The following MYO5B variants were observed in gnomAD, a reference collection of about 807,000 sequenced individuals.
MYO5B encodes the protein unconventional myosin-Vb.
Under a neutral mutation model 229.3 loss-of-function variants are expected in MYO5B, and 143 were observed. That is an observed-to-expected ratio of 0.62 (90% CI 0.54 to 0.72). The LOEUF (loss-of-function observed/expected upper bound fraction) is 0.72. Ranked by LOEUF, MYO5B falls within the 30% of genes least tolerant of loss-of-function variation. The pLI is 0.00. For synonymous variants in MYO5B, 918 were observed against 885.2 expected, an observed-to-expected ratio of 1.04 and a Z score of -0.66; for missense variants, 2,321 against 2,331.0, an observed-to-expected ratio of 1.00 and a Z score of 0.09.
At chr18:49,985,427 G>A (rs1419807137) in intron 7 of MYO5B, among the ~76,000 whole-genome samples, 4 of 152,168 alleles carry the variant, frequency 2.6e-5, no homozygotes. Flanking sequence ...TGGTAAGGAA[G>A]GGCCCAGGTG....
chr18:50,064,123 A>G (rs888217784), intron 1 of MYO5B: 8 of 152,290 alleles, frequency 5.3e-5, no homozygotes, highest in Admixed American at 2.0e-4. Flanking sequence ...CTTGGACAAC[A>G]GACATATCAG....
At chr18:50,031,459 T>C (rs1035359360) in intron 4 of MYO5B, among the ~76,000 whole-genome samples, 1 of 152,214 alleles carries the variant, frequency 6.6e-6, no homozygotes, top group Admixed American at 6.5e-5. Context: ...GAGAATTAGA[T>C]GCATTAATGA....
At chr18:50,118,041 C>G (rs886378582) in intron 1 of MYO5B, among the ~76,000 whole-genome samples, 1 of 152,170 alleles carries the variant, frequency 6.6e-6, no homozygotes, top group Non-Finnish European at 1.5e-5. Flanking sequence ...TTACCACCGG[C>G]CTGATGAAAA....
In MYO5B at chr18:50,171,219, T is replaced by C. The variant is rs1361268301; in HGVS notation, c.27+23548A>G. On this transcript the variant is annotated intron_variant, in intron 1 of 39. Coordinates refer to ENST00000285039, the MANE Select transcript of MYO5B (RefSeq NM_001080467.3). ...ATAAGTTGAGGAGATAAGGCAAATA[T>C]GCAAAAAGTAAAGTAATCATCCAAG... 7.8e-5 allele frequency among the ~76,000 whole-genome samples: 10 copies of C among 128,008 alleles called. 4 individuals carry two copies. In the East Asian group the frequency reaches 9.1e-4, roughly 12 times the overall value. The allele number at this position is 128,008 out of a possible 152,430, so 84.0% of individuals were successfully genotyped here. A position where few individuals can be genotyped will look rare whatever the true frequency, so the allele number is the denominator to read the frequency against.
intron 14 of MYO5B, among the ~76,000 whole-genome samples, chr18:49,949,913 A>G (rs2025414609): frequency 6.6e-6 from 1 of 152,222 alleles, no homozygotes; most frequent in Non-Finnish European, 1.5e-5. Context: ...ATCACTCAGT[A>G]AATGATGAGC....
chr18:49,990,349 A>G (rs1381144296), intron 7 of MYO5B, 90 bp downstream of exon 7: 7 of 1,108,426 alleles, frequency 6.3e-6, no homozygotes, highest in African/African-American at 1.5e-5. Context: ...ACAAGAACCC[A>G]TGACGGAGGG....
chr18:50,180,437 G>A (rs1213757306), intron 1 of MYO5B, among the ~76,000 whole-genome samples: 1 of 152,122 alleles, frequency 6.6e-6, no homozygotes, highest in Admixed American at 6.5e-5. Context: ...AGAAAGCTGA[G>A]GAACCAGGAC....
At chr18:50,124,066 T>C (rs1568116079) in intron 1 of MYO5B, among the ~76,000 whole-genome samples, 1 of 152,204 alleles carries the variant, frequency 6.6e-6, no homozygotes, top group Non-Finnish European at 1.5e-5. Flanking sequence ...GCTTTTGCGC[T>C]TAGTAAATCT....
At chr18:50,074,845 G>A (rs1391178977) in intron 1 of MYO5B, among the ~76,000 whole-genome samples, 1 of 152,082 alleles carries the variant, frequency 6.6e-6, no homozygotes, top group Non-Finnish European at 1.5e-5. Flanking sequence ...TTTTGAGATG[G>A]AGTCTCACTC....
chr18:50,036,865 T>G lies in MYO5B; in HGVS notation c.440A>C (p.Tyr147Ser). The G allele has an allele frequency of 6.2e-7, 1 of 1,614,118 alleles. No individual in the cohort carries two copies. The highest frequency in any genetic ancestry group is 8.5e-7 in the Non-Finnish European group (1 of 1,180,000). The change falls in exon 4 of 40, where the codon TAC (tyrosine) becomes TCC (serine). Residue 147 changes from tyrosine (Y) to serine (S), a missense_variant. Coordinates refer to ENST00000285039, the MANE Select transcript of MYO5B (RefSeq NM_001080467.3). ...ACATTCTCACCTGGCCATCTGCTTG[T>G]AGGCTTCTTCTGCCACAGCAAAGAT... ...PHIFAVAEEA[Y>S]KQMARDEKNQ...
intron 1 of MYO5B, among the ~76,000 whole-genome samples, chr18:50,088,716 T>C (rs1368804031): frequency 3.3e-5 from 5 of 152,348 alleles, no homozygotes; most frequent in African/African-American, 1.2e-4. Flanking sequence ...CACACATGTA[T>C]AATTTATATC....
At chr18:50,113,548 T>C (rs1192715111) in intron 1 of MYO5B, among the ~76,000 whole-genome samples, 1 of 152,248 alleles carries the variant, frequency 6.6e-6, no homozygotes, top group African/African-American at 2.4e-5. Context: ...CTTTTCTTTA[T>C]GCCTGAACAT....
At chr18:50,051,102 T>C (rs1200530402) in intron 2 of MYO5B, among the ~76,000 whole-genome samples, 2 of 152,250 alleles carry the variant, frequency 1.3e-5, no homozygotes, top group Non-Finnish European at 2.9e-5. Context: ...GGCAGCTGGA[T>C]AGAAACTGAA....
At chr18:50,052,750 T>C (rs1376883119) in intron 2 of MYO5B, among the ~76,000 whole-genome samples, 1 of 152,098 alleles carries the variant, frequency 6.6e-6, no homozygotes, top group East Asian at 1.9e-4. Flanking sequence ...ACATATATTT[T>C]ACCACAATAG....
chr18:49,853,753 G>A (rs1372569381), intron 30 of MYO5B, 106 bp from the exon 31 acceptor site: 11 of 1,028,046 alleles, frequency 1.1e-5, no homozygotes, highest in Non-Finnish European at 1.6e-5. Context: ...CACAGCAGCA[G>A]CGGTTGCACA....
intron 1 of MYO5B, among the ~76,000 whole-genome samples, chr18:50,143,393 C>A (rs1468823042): frequency 1.3e-5 from 2 of 152,180 alleles, no homozygotes; most frequent in African/African-American, 4.8e-5. Flanking sequence ...AGGAGGCCCC[C>A]CTCAGTTACT....
intron 1 of MYO5B, among the ~76,000 whole-genome samples, chr18:50,142,947 T>C (rs1471622277): frequency 6.6e-6 from 1 of 152,196 alleles, no homozygotes; most frequent in Non-Finnish European, 1.5e-5. Flanking sequence ...GGAAAGAGTA[T>C]GAATCACAGA....
At chr18:50,168,882 GA>G (rs1439953924) in intron 1 of MYO5B, among the ~76,000 whole-genome samples, 3 of 127,874 alleles carry the variant, frequency 2.3e-5, no homozygotes, top group Non-Finnish European at 3.3e-5. Flanking sequence ...CAGCATCCCA[GA>G]AGCCCCATGC....
chr18:50,174,223 T>C (rs150869453), intron 1 of MYO5B, among the ~76,000 whole-genome samples: 171 of 152,216 alleles, frequency 1.1e-3, no homozygotes, highest in African/African-American at 3.9e-3. Flanking sequence ...TAAAGATACA[T>C]AAAAGGAGGT....
Sources: gnomAD v4.1 joint callset for allele counts (sites outside exome capture counted in the v4.1 genomes callset) on GRCh38, gnomAD v4.1.1 for gene constraint, MANE v1.5 for transcripts, NCBI Gene and HGNC (gene_info 2026-07-23, HGNC 2026-07-21) for gene names.